TMEM266: variants seen among roughly 807,000 people sequenced by gnomAD.
TMEM266 encodes transmembrane protein 266.
TMEM266 carries 33 observed loss-of-function variants against 50.5 expected under a neutral mutation model. The ratio of observed to expected loss-of-function variants is 0.65; its 90% CI spans 0.50 to 0.87. The LOEUF is 0.87. Among genes scored for constraint, TMEM266 ranks in the 40% least tolerant of loss-of-function variants. TMEM266 has a pLI of 0.00. For missense variants in TMEM266, 655 were observed against 695.1 expected (o/e 0.94, Z 0.65); for synonymous variants, 310 against 292.3 (o/e 1.06, Z -0.62).
At chr15:76,195,662 G>GC (rs2038642838) in intron 9 of TMEM266, among the ~76,000 whole-genome samples, 1 of 152,230 alleles carries the variant, frequency 6.6e-6, no homozygotes, top group South Asian at 2.1e-4. Flanking sequence ...GCTTGGGCCT[G>GC]CCCCGTGTTG....
intron 1 of TMEM266, among the ~76,000 whole-genome samples, chr15:76,108,769 T>G (rs2037124653): frequency 6.6e-6 from 1 of 152,216 alleles, no homozygotes; most frequent in Non-Finnish European, 1.5e-5. Context: ...GGCTCATGTT[T>G]CCATGTGAAA....
At chr15:76,173,959 G>T (rs530320813) in intron 7 of TMEM266, among the ~76,000 whole-genome samples, 2 of 150,724 alleles carry the variant, frequency 1.3e-5, no homozygotes, top group Admixed American at 1.3e-4. Flanking sequence ...AAAAAAAAGA[G>T]GTCTGTGGGA....
chr15:76,198,830 C>T (rs1395887118), intron 9 of TMEM266, among the ~76,000 whole-genome samples: 6 of 152,262 alleles, frequency 3.9e-5, no homozygotes, highest in South Asian at 2.1e-4. Context: ...CAGGCAGGCC[C>T]GGCCTCAGCA....
At chr15:76,163,773 G>A (rs1351787627) in intron 5 of TMEM266, among the ~76,000 whole-genome samples, 1 of 152,204 alleles carries the variant, frequency 6.6e-6, no homozygotes, top group African/African-American at 2.4e-5. Flanking sequence ...GGCAGCCCCA[G>A]CTCTTTCCCT....
intron 9 of TMEM266, among the ~76,000 whole-genome samples, chr15:76,194,478 C>A (rs1464009357): frequency 2.0e-5 from 3 of 152,198 alleles, no homozygotes; most frequent in Non-Finnish European, 4.4e-5. Context: ...AGGAGAAAGC[C>A]CACGCCCCTT....
Position 76,088,654 on chromosome 15 carries a change from A to T in TMEM266, c.-97+28638A>T, listed in dbSNP as rs1266279928. Among the ~76,000 whole-genome samples the T allele has an allele frequency of 3.3e-5, 5 of 151,972 alleles. No individual in the cohort carries two copies. In the East Asian group the frequency reaches 9.7e-4, roughly 29 times the overall value. On this transcript the variant is annotated intron_variant, in intron 1 of 10. Coordinates refer to ENST00000388942, the MANE Select transcript of TMEM266 (RefSeq NM_152335.3). ...TACTAAAAAATACAAAAAATTAGCC[A>T]GGCGTGGTGGCAGGCGCCTGTAGTC...
At chr15:76,098,828 A>G (rs2036957425) in intron 1 of TMEM266, among the ~76,000 whole-genome samples, 1 of 152,164 alleles carries the variant, frequency 6.6e-6, no homozygotes, top group African/African-American at 2.4e-5. Flanking sequence ...GCTGAGCTGC[A>G]GTGGACTCTG....
At chr15:76,140,660 G>C (rs2037662955) in intron 3 of TMEM266, among the ~76,000 whole-genome samples, 1 of 152,136 alleles carries the variant, frequency 6.6e-6, no homozygotes, top group South Asian at 2.1e-4. Context: ...AGCTGGAAGA[G>C]ACCTAAACAC....
chr15:76,203,369 G>T (rs1854100081), intron 10 of TMEM266, among the ~76,000 whole-genome samples: 1 of 152,142 alleles, frequency 6.6e-6, no homozygotes, highest in Admixed American at 6.5e-5. Flanking sequence ...CTGCTCCTGG[G>T]TCATCACTGT....
intron 1 of TMEM266, among the ~76,000 whole-genome samples, chr15:76,129,023 C>T (rs910443579): frequency 6.6e-6 from 1 of 152,158 alleles, no homozygotes; most frequent in African/African-American, 2.4e-5. Flanking sequence ...TAAGCATTTT[C>T]CTTCTTTGCT....
intron 3 of TMEM266, among the ~76,000 whole-genome samples, chr15:76,143,082 C>T (rs75628323): frequency 0.032 from 4,856 of 152,268 alleles, 110 homozygotes; most frequent in Non-Finnish European, 0.048. Context: ...GGCTGCACCG[C>T]ACCCCGGTCT....
At chr15:76,070,029 T>G (rs2036513630) in intron 1 of TMEM266, among the ~76,000 whole-genome samples, 1 of 152,206 alleles carries the variant, frequency 6.6e-6, no homozygotes, top group Admixed American at 6.5e-5. Flanking sequence ...TGAATATTCC[T>G]AATATTGAAG....
chr15:76,119,602 A>T (rs1426660955), intron 1 of TMEM266, among the ~76,000 whole-genome samples: 1 of 152,002 alleles, frequency 6.6e-6, no homozygotes, highest in Non-Finnish European at 1.5e-5. Flanking sequence ...CCCCATCTCT[A>T]CTAAAAATAC....
intron 1 of TMEM266, among the ~76,000 whole-genome samples, chr15:76,124,119 A>G (rs2037384237): frequency 6.6e-6 from 1 of 152,232 alleles, no homozygotes; most frequent in Non-Finnish European, 1.5e-5. Context: ...AGCTCTGCCC[A>G]GGGAGACATC....
At chr15:76,179,962 C>G (rs775582696) in intron 8 of TMEM266, among the ~76,000 whole-genome samples, 1 of 152,084 alleles carries the variant, frequency 6.6e-6, no homozygotes, top group African/African-American at 2.4e-5. Context: ...TAAAACAAAA[C>G]AAAACAAAAC....
chr15:76,174,366 C>T (rs1014111049), intron 7 of TMEM266, among the ~76,000 whole-genome samples: 3 of 151,978 alleles, frequency 2.0e-5, no homozygotes, highest in Admixed American at 6.6e-5. Context: ...GCCTGGCCAA[C>T]GTGGTGAAAT....
Position 76,114,893 on chromosome 15 carries a change from T to A in TMEM266, c.-96-19275T>A, listed in dbSNP as rs112883310. Among the ~76,000 whole-genome samples the A allele has an allele frequency of 2.4e-3, 358 of 152,340 alleles. 2 individuals are homozygous for A. Among genetic ancestry groups the A allele is most frequent in the African/African-American group, 8.3e-3 (345 of 41,580 alleles). The stretch of plus-strand genomic sequence containing the variant: ...TCCATTCTATTTCTTATAAATGGAA[T>A]CACACAATATGTGGCCTTTTGTGTC... On this transcript the variant is annotated intron_variant, in intron 1 of 10. Transcript: ENST00000388942.
intron 1 of TMEM266, among the ~76,000 whole-genome samples, chr15:76,105,834 A>C (rs1012392498): frequency 2.6e-5 from 4 of 152,232 alleles, no homozygotes; most frequent in South Asian, 2.1e-4. Context: ...TAGGCCTGCC[A>C]AGATATGTAC....
intron 9 of TMEM266, among the ~76,000 whole-genome samples, chr15:76,195,026 T>C (rs762699959): frequency 2.4e-4 from 36 of 152,184 alleles, no homozygotes; most frequent in South Asian, 4.1e-4. Flanking sequence ...TCTAGAGGAA[T>C]GGAACAACCT....
Sources: gnomAD v4.1 joint callset for allele counts (sites outside exome capture counted in the v4.1 genomes callset) on GRCh38, gnomAD v4.1.1 for gene constraint, MANE v1.5 for transcripts, NCBI Gene and HGNC (gene_info 2026-07-23, HGNC 2026-07-21) for gene names.